Variants in DPH6 observed in about 807,000 individuals in gnomAD.
DPH6 encodes diphthine--ammonia ligase.
Under a neutral mutation model 38.2 loss-of-function variants are expected in DPH6, and 33 were observed. That is an observed-to-expected ratio of 0.86 (90% CI 0.65 to 1.15). The LOEUF (loss-of-function observed/expected upper bound fraction) is 1.15, where lower values mean the gene tolerates loss of function less well. DPH6 is among the 50% of genes most tolerant of loss of function. The pLI is 0.00. For missense variants in DPH6, 325 were observed against 320.0 expected (o/e 1.02, Z -0.12); for synonymous variants, 108 against 103.0 (o/e 1.05, Z -0.30).
chr15:35,433,729 A>G (rs546749070), intron 5 of DPH6, among the ~76,000 whole-genome samples: 13 of 152,292 alleles, frequency 8.5e-5, no homozygotes, highest in Admixed American at 4.6e-4. Flanking sequence ...TTGGATTCAT[A>G]TTAAAATCAA....
At chr15:35,264,941 G>A (rs1407731143) in intron 3 of DPH6, among the ~76,000 whole-genome samples, 3 of 152,144 alleles carry the variant, frequency 2.0e-5, no homozygotes, top group East Asian at 1.9e-4. Context: ...AACATGAAAA[G>A]CAGGGTTTGG....
At chr15:35,169,894 CACTTT>C in the DPH6 span, among the ~76,000 whole-genome samples, 1 of 152,116 alleles carries the variant, frequency 6.6e-6, no homozygotes, top group Admixed American at 6.6e-5. Flanking sequence ...GGTAGTTATT[CACTTT>C]ACTTTAGAAA....
chr15:35,176,769 C>G, the DPH6 span, among the ~76,000 whole-genome samples: 325 of 152,280 alleles, frequency 2.1e-3, 3 homozygotes, highest in Admixed American at 0.012. Flanking sequence ...CCGTGCCTGG[C>G]CTGTAAGGTC....
chr15:35,285,872 G>GTTTTTTTTTTTTTTTTTTTTTT (rs67243158), intron 3 of DPH6, among the ~76,000 whole-genome samples: 664 of 52,796 alleles, frequency 0.013, 246 homozygotes, highest in Middle Eastern at 0.021. Flanking sequence ...TTATCTTTGA[G>GTTTTTTTTTTTTTTTTTTTTTT]TTTTTTTTTT....
intron 3 of DPH6, chr15:35,521,627 C>A: frequency 8.1e-7 from 1 of 1,229,734 alleles, no homozygotes; most frequent in South Asian, 4.1e-5. Context: ...CAAAAAAAAT[C>A]AGGCAATGTA....
intron 3 of DPH6, among the ~76,000 whole-genome samples, chr15:35,463,971 T>A (rs1038281030): frequency 6.6e-6 from 1 of 151,990 alleles, no homozygotes; most frequent in Admixed American, 6.6e-5. Context: ...AATCTAGTGA[T>A]AAGAAATGCA....
intron 3 of DPH6, among the ~76,000 whole-genome samples, chr15:35,255,803 T>C (rs955601891): frequency 1.3e-5 from 2 of 152,188 alleles, no homozygotes; most frequent in African/African-American, 4.8e-5. Context: ...TCCTAAATAA[T>C]GAATATGATC....
At chr15:35,247,639 G>A (rs2051645658) in intron 3 of DPH6, among the ~76,000 whole-genome samples, 1 of 152,156 alleles carries the variant, frequency 6.6e-6, no homozygotes, top group African/African-American at 2.4e-5. Flanking sequence ...CAATGGAGAT[G>A]TTTTACTATT....
chr15:35,443,957 T>C (rs770781507), intron 5 of DPH6, among the ~76,000 whole-genome samples: 10 of 152,150 alleles, frequency 6.6e-5, no homozygotes, highest in Non-Finnish European at 1.2e-4. Context: ...GTTTCAACCT[T>C]TTCTGATAAT....
the DPH6 span, among the ~76,000 whole-genome samples, chr15:35,197,522 C>A: frequency 5.9e-5 from 9 of 152,138 alleles, no homozygotes; most frequent in Non-Finnish European, 1.3e-4. Context: ...TGAGACAAGA[C>A]AGTAACACAC....
At chr15:35,349,592 C>T (rs2052492648) in intron 3 of DPH6, among the ~76,000 whole-genome samples, 1 of 152,054 alleles carries the variant, frequency 6.6e-6, no homozygotes, top group Non-Finnish European at 1.5e-5. Context: ...TGCCACCACA[C>T]CTGGCTAATT....
At chr15:35,157,440 T>C in the DPH6 span, among the ~76,000 whole-genome samples, 2 of 152,144 alleles carry the variant, frequency 1.3e-5, no homozygotes, top group Non-Finnish European at 2.9e-5. Flanking sequence ...GTATTATAGA[T>C]TTTATTAGAT....
At chr15:35,239,598 CG>C (rs1314480298) in intron 3 of DPH6, among the ~76,000 whole-genome samples, 1 of 141,420 alleles carries the variant, frequency 7.1e-6, no homozygotes, top group East Asian at 2.2e-4. Context: ...TTTCCTGGGG[CG>C]GGGGCAAGTA....
At chr15:35,213,098 G>A (rs79190915), downstream of DPH6, among the ~76,000 whole-genome samples, 1,989 of 152,282 alleles carry the variant, frequency 0.013, 60 homozygotes, top group African/African-American at 0.045. Context: ...CACAGTCTGC[G>A]TTTCATGTAT....
intron 6 of DPH6, among the ~76,000 whole-genome samples, chr15:35,386,382 CA>C (rs956256907): frequency 3.3e-5 from 5 of 152,182 alleles, no homozygotes; most frequent in Admixed American, 2.6e-4. Context: ...ATGGCTGGGT[CA>C]AATGGTATTT....
chr15:35,330,867 AAAAT>A (rs1317017042), exon 4 of DPH6: 1 of 152,232 alleles, frequency 6.6e-6, no homozygotes, highest in Non-Finnish European at 1.5e-5. Flanking sequence ...AAAGTAAAGA[AAAAT>A]AAATAAACCT....
rs1265287748 is a variant in DPH6, at chr15:35,402,100, T to A, written c.567+8735A>T. Among the ~76,000 whole-genome samples the A allele has an allele frequency of 5.3e-5, 8 of 152,336 alleles. No homozygotes were observed. The East Asian group carries it at 1.4e-3, about 26-fold the overall frequency. On this transcript the variant is annotated intron_variant, in intron 6 of 8. Transcript: ENST00000256538. The stretch of plus-strand genomic sequence containing the variant: ...CTAATTGTCACGCTGAATAAATGTG[T>A]CTTTTTAAAAAACGTGTTGTGTAGT...
intron 6 of DPH6, among the ~76,000 whole-genome samples, chr15:35,385,589 G>C (rs1472089804): frequency 6.6e-6 from 1 of 152,014 alleles, no homozygotes; most frequent in East Asian, 2.0e-4. Flanking sequence ...ACAGGGAGGG[G>C]AACATCACAC....
At chr15:35,248,376 T>C (rs1029920900) in intron 3 of DPH6, among the ~76,000 whole-genome samples, 2 of 152,206 alleles carry the variant, frequency 1.3e-5, no homozygotes, top group Non-Finnish European at 2.9e-5. Context: ...CTTTGTTTGA[T>C]TGTAGGTTAT....
Sources: allele counts gnomAD v4.1 joint callset (sites outside exome capture counted in the v4.1 genomes callset), GRCh38; gene constraint gnomAD v4.1.1; transcripts MANE v1.5; gene names NCBI Gene and HGNC (gene_info 2026-07-23, HGNC 2026-07-21).